Variants in SCEL observed in about 807,000 individuals in gnomAD.
SCEL encodes sciellin.
Under a neutral mutation model 117.6 loss-of-function variants are expected in SCEL, and 113 were observed. The observed-to-expected ratio is 0.96, with a 90% CI of 0.83 to 1.12. SCEL has a LOEUF of 1.12. SCEL is among the 50% of genes most tolerant of loss of function. SCEL has a pLI of 0.00. For missense variants in SCEL, 785 were observed against 810.8 expected, an observed-to-expected ratio of 0.97 and a Z score of 0.39; for synonymous variants, 270 against 256.2, an observed-to-expected ratio of 1.05 and a Z score of -0.51.
At chr13:77,561,224 G>T (rs900727566) in intron 4 of SCEL, among the ~76,000 whole-genome samples, 5 of 152,208 alleles carry the variant, frequency 3.3e-5, no homozygotes, top group African/African-American at 1.2e-4. Context: ...TTTAAGAACA[G>T]AAATGCTTGT....
chr13:77,593,554 C>T lies in SCEL; in HGVS notation c.733C>T (p.Leu245Phe). The change falls in exon 12 of 33, where the codon CTT (leucine) becomes TTT (phenylalanine). Residue 245 changes from leucine to phenylalanine, a missense_variant. Coordinates refer to ENST00000349847, the MANE Select transcript of SCEL (RefSeq NM_144777.3). ...TAACATCGTCAAAGTGGCCACTTCA[C>T]TTCAGAGAAGTGACAAAGGGTGAGA... ...LDNIVKVATSLQRSDKGEELD... is the reference protein window; with the variant it reads ...LDNIVKVATSFQRSDKGEELD... The T allele has an allele frequency of 6.2e-7, 1 of 1,613,086 alleles. No individual in the cohort carries two copies.
At chr13:77,560,237 C>T (rs1428617963) in intron 4 of SCEL, among the ~76,000 whole-genome samples, 2 of 149,904 alleles carry the variant, frequency 1.3e-5, no homozygotes, top group Non-Finnish European at 3.0e-5. Flanking sequence ...TAGAGACCAG[C>T]CTGGGCAACA....
At chr13:77,597,999 T>C (rs1193050001) in intron 13 of SCEL, among the ~76,000 whole-genome samples, 1 of 150,234 alleles carries the variant, frequency 6.7e-6, no homozygotes, top group South Asian at 2.1e-4. Flanking sequence ...TCTTACTCTC[T>C]TACCCAGGCT....
intron 19 of SCEL, among the ~76,000 whole-genome samples, chr13:77,607,828 G>A (rs1377756587): frequency 6.6e-6 from 1 of 152,182 alleles, no homozygotes; most frequent in Non-Finnish European, 1.5e-5. Flanking sequence ...AAATGGCTCT[G>A]AGACTAAAAT....
At position 77,591,381 on chromosome 13, in the gene SCEL, C is replaced by T. The variant is rs1393793194; in HGVS notation, c.627-14C>T. ...TTTTCTGACTGATATAATCTTCTAA[C>T]TTTGAAAATATAGGCAGATACATCC... is the stretch of plus-strand genomic sequence containing the variant. On this transcript the variant is annotated splice_polypyrimidine_tract_variant and intron_variant, in intron 10 of 32. Coordinates refer to ENST00000349847, the MANE Select transcript of SCEL (RefSeq NM_144777.3). The T allele has an allele frequency of 1.3e-6, 2 of 1,512,212 alleles. No individual in the cohort carries two copies. Among genetic ancestry groups the T allele is most frequent in the African/African-American group, 2.8e-5 (2 of 72,456 alleles). 93.7% of individuals were successfully genotyped at this position (1,512,212 alleles called of 1,614,324 possible).
chr13:77,610,099 A>G lies in SCEL; in HGVS notation c.1330A>G (p.Asn444Asp), dbSNP rs745758737. Residue 444 changes from asparagine (N) to aspartate (D), a missense_variant, in exon 22 of 33, where the codon AAC (asparagine) becomes GAC (aspartate). By Grantham distance (23) the Asn-to-Asp change is conservative (BLOSUM62 1). Coordinates refer to ENST00000349847, the MANE Select transcript of SCEL (RefSeq NM_144777.3). ...AGTGACTCCTGAAAGAAACAGAACTAACCAAGGGTAAGGTTTATGGAACTC... is the reference window on the plus strand; with the variant it reads ...AGTGACTCCTGAAAGAAACAGAACTGACCAAGGGTAAGGTTTATGGAACTC... ...IKVTPERNRT[N>D]QGNQDLENLI... 3 of 1,608,158 alleles carry G rather than the reference A, an allele frequency of 1.9e-6. No homozygotes were observed. The East Asian group carries it at 6.7e-5, about 36-fold the overall frequency.
At chr13:77,551,626 A>T (rs1369997815) in intron 1 of SCEL, among the ~76,000 whole-genome samples, 1 of 151,890 alleles carries the variant, frequency 6.6e-6, no homozygotes, top group Non-Finnish European at 1.5e-5. Flanking sequence ...TTCTCTTCTT[A>T]CAAGGTCACC....
At chr13:77,538,304 A>G (rs1042664507) in intron 1 of SCEL, among the ~76,000 whole-genome samples, 4 of 151,948 alleles carry the variant, frequency 2.6e-5, no homozygotes, top group Non-Finnish European at 5.9e-5. Flanking sequence ...TTTAGTATAG[A>G]CGGGGTTTCA....
At position 77,584,283 on chromosome 13, in the gene SCEL, G is replaced by A. The variant is rs1471017586; in HGVS notation, c.546-4861G>A. On this transcript the variant is annotated intron_variant, in intron 9 of 32. Transcript: ENST00000349847. Reference sequence around the variant, plus strand: ...ACATGAATGACTCCTCTCATTGCCCGCCCCACCCCAGGGCTTGAGTTCTGT... The same window carrying A: ...ACATGAATGACTCCTCTCATTGCCCACCCCACCCCAGGGCTTGAGTTCTGT... Among the ~76,000 whole-genome samples the A allele has an allele frequency of 5.3e-5, 8 of 152,040 alleles. No individual in the cohort carries two copies. In the East Asian group the frequency reaches 7.7e-4, roughly 15 times the overall value.
At chr13:77,560,221 A>G (rs1354288192) in intron 4 of SCEL, among the ~76,000 whole-genome samples, 2 of 150,424 alleles carry the variant, frequency 1.3e-5, no homozygotes, top group Non-Finnish European at 3.0e-5. Flanking sequence ...TCTTGAGCCT[A>G]GGAGTTAGAG....
At chr13:77,591,560 A>T (rs779307391) in intron 11 of SCEL, 100 bp downstream of exon 11, 3 of 699,464 alleles carry the variant, frequency 4.3e-6, no homozygotes, top group African/African-American at 1.8e-5. Flanking sequence ...TAAGGTAGAC[A>T]AAATCAGTTT....
chr13:77,542,229 C>T (rs1259150636), intron 1 of SCEL, among the ~76,000 whole-genome samples: 6 of 152,190 alleles, frequency 3.9e-5, no homozygotes, highest in South Asian at 2.1e-4. Flanking sequence ...GGTGAAACCC[C>T]GTCTCTACTA....
Position 77,610,121 on chromosome 13 carries a change from A to G in SCEL, c.1337+15A>G, listed in dbSNP as rs2088530959. The G allele has an allele frequency of 6.3e-7, 1 of 1,582,810 alleles. No homozygotes were observed. Among genetic ancestry groups the G allele is most frequent in the Non-Finnish European group, 8.6e-7 (1 of 1,158,028 alleles). ...ACTAACCAAGGGTAAGGTTTATGGA[A>G]CTCTCTATTTCTCCCCCCTTTTTTT... On this transcript the variant is annotated intron_variant, in intron 22 of 32. Transcript: ENST00000349847.
In SCEL at chr13:77,623,780, A is replaced by G. The variant is rs572920891; in HGVS notation, c.1629-4167A>G. On this transcript the variant is annotated intron_variant, in intron 27 of 32. Coordinates refer to ENST00000349847, the MANE Select transcript of SCEL (RefSeq NM_144777.3). Reference sequence around the variant, plus strand: ...GTGGGCAGTGTCTACAGCAGCCAGGATTATGCAGTATCTATAGCAGCCAGG... The same window carrying G: ...GTGGGCAGTGTCTACAGCAGCCAGGGTTATGCAGTATCTATAGCAGCCAGG... Among the ~76,000 whole-genome samples, 3 of 152,288 alleles carry G rather than the reference A, an allele frequency of 2.0e-5. No homozygotes were observed. The South Asian group carries it at 6.2e-4, about 32-fold the overall frequency.
chr13:77,607,924 T>G, intron 19 of SCEL, 132 bp from the exon 20 acceptor site: 1 of 596,558 alleles, frequency 1.7e-6, no homozygotes, highest in South Asian at 2.7e-5. Context: ...TCTTCAGTCT[T>G]CAACTCCTTG....
At chr13:77,542,910 C>T (rs191268889) in intron 1 of SCEL, among the ~76,000 whole-genome samples, 1 of 152,136 alleles carries the variant, frequency 6.6e-6, no homozygotes, top group African/African-American at 2.4e-5. Context: ...TAGGGATTTT[C>T]CCTGTTTCAT....
At chr13:77,575,062 C>T (rs2085860843) in intron 9 of SCEL, among the ~76,000 whole-genome samples, 1 of 152,170 alleles carries the variant, frequency 6.6e-6, no homozygotes. Flanking sequence ...GGAATGAGTC[C>T]TTTCCTGGAA....
At chr13:77,584,390 G>A (rs1283982603) in intron 9 of SCEL, among the ~76,000 whole-genome samples, 1 of 152,116 alleles carries the variant, frequency 6.6e-6, no homozygotes, top group East Asian at 1.9e-4. Flanking sequence ...CCTGGCTCCT[G>A]GCCCAGCAGG....
intron 1 of SCEL, among the ~76,000 whole-genome samples, chr13:77,552,143 C>T (rs182240990): frequency 0.11 from 15,967 of 151,988 alleles, 997 homozygotes; most frequent in Non-Finnish European, 0.15. Context: ...TGAACAGTGC[C>T]GCCATAAACA....
Sources: allele counts gnomAD v4.1 joint callset (sites outside exome capture counted in the v4.1 genomes callset), GRCh38; gene constraint gnomAD v4.1.1; transcripts MANE v1.5; gene names NCBI Gene and HGNC (gene_info 2026-07-23, HGNC 2026-07-21).